RBFOX1: variants seen among roughly 807,000 people sequenced by gnomAD.
The protein encoded by RBFOX1 is RNA binding fox-1 homolog 1.
Under a neutral mutation model 57.7 loss-of-function variants are expected in RBFOX1, and 8 were observed. That is an observed-to-expected ratio of 0.14 (90% CI 0.08 to 0.25). RBFOX1 has a LOEUF of 0.25. RBFOX1 is among the 10% of genes least tolerant of loss of function. The pLI is 1.00. For missense variants in RBFOX1, 611 were observed against 548.5 expected, an observed-to-expected ratio of 1.11 and a Z score of -1.14; for synonymous variants, 326 against 222.4, an observed-to-expected ratio of 1.47 and a Z score of -4.15.
chr16:6,655,373 CAA>C (rs71406388), intron 3 of RBFOX1, among the ~76,000 whole-genome samples: 1,769 of 33,128 alleles, frequency 0.053, 6 homozygotes, highest in African/African-American at 0.074. Context: ...GCCTCCGTTT[CAA>C]AAAAAAAAAA....
chr16:5,724,771 T>C (rs1218726024), intron 3 of RBFOX1, among the ~76,000 whole-genome samples: 1 of 152,162 alleles, frequency 6.6e-6, no homozygotes, highest in Non-Finnish European at 1.5e-5. Flanking sequence ...GGCACCATAC[T>C]GGGTGCTTAT....
intron 4 of RBFOX1, among the ~76,000 whole-genome samples, chr16:7,443,528 C>T (rs1194567119): frequency 1.3e-5 from 2 of 151,634 alleles, no homozygotes; most frequent in Non-Finnish European, 2.9e-5. Context: ...ATGAACCCAA[C>T]AACCTTGTTG....
chr16:7,089,125 T>C (rs2060428089), intron 4 of RBFOX1, among the ~76,000 whole-genome samples: 1 of 152,194 alleles, frequency 6.6e-6, no homozygotes, highest in Non-Finnish European at 1.5e-5. Flanking sequence ...CGACTTTAGC[T>C]CCATTTCCAC....
chr16:6,226,114 C>T (rs1038349969), intron 1 of RBFOX1, among the ~76,000 whole-genome samples: 1 of 150,280 alleles, frequency 6.7e-6, no homozygotes, highest in Admixed American at 6.7e-5. Flanking sequence ...AATCCCAGCA[C>T]TTTGGGAGGC....
chr16:7,469,403 G>C, intron 4 of RBFOX1, among the ~76,000 whole-genome samples: 1 of 152,112 alleles, frequency 6.6e-6, no homozygotes, highest in Admixed American at 6.6e-5. Flanking sequence ...ATGAGGCTAT[G>C]TTTGTCTCAT....
intron 1 of RBFOX1, among the ~76,000 whole-genome samples, chr16:5,394,808 C>A (rs954512332): frequency 3.9e-5 from 6 of 152,108 alleles, no homozygotes; most frequent in African/African-American, 1.4e-4. Flanking sequence ...CCTTGGCTTC[C>A]CAAAATACTG....
At chr16:6,074,241 C>T (rs2095869861) in intron 1 of RBFOX1, among the ~76,000 whole-genome samples, 1 of 152,206 alleles carries the variant, frequency 6.6e-6, no homozygotes, top group Admixed American at 6.5e-5. Context: ...AGCCACAGCG[C>T]CCGGCCATCA....
At chr16:5,639,263 T>C (rs895206206) in intron 3 of RBFOX1, among the ~76,000 whole-genome samples, 5 of 152,254 alleles carry the variant, frequency 3.3e-5, no homozygotes, top group African/African-American at 1.2e-4. Context: ...AATTGCACAA[T>C]TGTGCTGATT....
intron 4 of RBFOX1, among the ~76,000 whole-genome samples, chr16:7,199,034 A>T (rs2152705635): frequency 6.6e-6 from 1 of 152,340 alleles, no homozygotes; most frequent in East Asian, 1.9e-4. Context: ...ACTGAGTTTC[A>T]GTTCCAAGGG....
At chr16:6,409,872 G>A (rs2093402116) in intron 2 of RBFOX1, among the ~76,000 whole-genome samples, 1 of 152,112 alleles carries the variant, frequency 6.6e-6, no homozygotes, top group Admixed American at 6.5e-5. Context: ...GAGTCTCGTG[G>A]CTGTGCTCTT....
At chr16:7,208,310 A>G (rs930803812) in intron 4 of RBFOX1, among the ~76,000 whole-genome samples, 30 of 152,160 alleles carry the variant, frequency 2.0e-4, no homozygotes, top group Admixed American at 4.6e-4. Context: ...GTCTTAGTTC[A>G]CTTGTGTTTC....
chr16:5,388,794 C>A (rs1419867770), intron 1 of RBFOX1, among the ~76,000 whole-genome samples: 2 of 151,876 alleles, frequency 1.3e-5, no homozygotes, highest in African/African-American at 2.4e-5. Context: ...TCAGGCTGGT[C>A]TCGAGCTCCT....
chr16:6,975,000 G>T (rs116604388), intron 3 of RBFOX1, among the ~76,000 whole-genome samples: 2,680 of 152,224 alleles, frequency 0.018, 90 homozygotes, highest in African/African-American at 0.061. Context: ...TGGAAGAAAG[G>T]GTGGAGCTAG....
Position 6,531,881 on chromosome 16 carries a change from A to G in RBFOX1, c.-63-122722A>G, listed in dbSNP as rs893615434. On this transcript the variant is annotated intron_variant, in intron 2 of 15. Coordinates refer to ENST00000550418, the MANE Select transcript of RBFOX1 (RefSeq NM_018723.4). ...GACCAATTAGGGCTCATTGGTTGCA[A>G]GCAACAGGAACCAATTCCCCTTCTA... Among the ~76,000 whole-genome samples, 3 of 152,214 alleles carry G rather than the reference A, an allele frequency of 2.0e-5. No homozygotes were observed. In the South Asian group the frequency reaches 6.2e-4, roughly 32 times the overall value.
intron 3 of RBFOX1, among the ~76,000 whole-genome samples, chr16:5,720,453 T>C (rs2342726): frequency 0.026 from 3,894 of 152,320 alleles, 160 homozygotes; most frequent in African/African-American, 0.089. Context: ...TTAATCGCAA[T>C]GAACCTATTT....
chr16:5,627,439 C>A (rs1004313444), intron 3 of RBFOX1, among the ~76,000 whole-genome samples: 3 of 151,646 alleles, frequency 2.0e-5, no homozygotes, highest in African/African-American at 4.9e-5. Context: ...GTGTGTGTCC[C>A]AAAGGGGGAA....
intron 1 of RBFOX1, among the ~76,000 whole-genome samples, chr16:6,246,832 G>C (rs1207555730): frequency 6.6e-6 from 1 of 152,166 alleles, no homozygotes; most frequent in African/African-American, 2.4e-5. Flanking sequence ...ACTTTAGATG[G>C]CTGAGGCGGG....
chr16:6,236,926 C>A (rs2097509311), intron 1 of RBFOX1, among the ~76,000 whole-genome samples: 1 of 152,130 alleles, frequency 6.6e-6, no homozygotes, highest in Non-Finnish European at 1.5e-5. Context: ...GCACATTGTA[C>A]CATGGAGATT....
intron 4 of RBFOX1, among the ~76,000 whole-genome samples, chr16:7,118,118 TG>T (rs1444353392): frequency 6.6e-6 from 1 of 152,176 alleles, no homozygotes; most frequent in Non-Finnish European, 1.5e-5. Context: ...CTGGATCAAA[TG>T]GTAGATCTAT....
Sources: allele counts gnomAD v4.1 joint callset (sites outside exome capture counted in the v4.1 genomes callset), GRCh38; gene constraint gnomAD v4.1.1; transcripts MANE v1.5; gene names NCBI Gene and HGNC (gene_info 2026-07-23, HGNC 2026-07-21).